TMEM132D: variants seen among roughly 807,000 people sequenced by gnomAD.
TMEM132D encodes the protein transmembrane protein 132D.
A neutral mutation model predicts 62.3 loss-of-function variants in TMEM132D; 21 were observed. The observed-to-expected ratio is 0.34, with a 90% CI of 0.24 to 0.49. TMEM132D has a LOEUF of 0.49. TMEM132D is among the 20% of genes least tolerant of loss of function. The pLI, the probability that TMEM132D is intolerant of heterozygous loss-of-function variation, is 0.99. For synonymous variants in TMEM132D, 621 were observed against 575.6 expected (o/e 1.08, Z -1.13); for missense variants, 1,346 against 1,402.8 (o/e 0.96, Z 0.65).
intron 4 of TMEM132D, among the ~76,000 whole-genome samples, chr12:129,283,371 T>C (rs933818067): frequency 2.0e-5 from 3 of 152,170 alleles, no homozygotes; most frequent in Admixed American, 6.5e-5. Flanking sequence ...GTTGTATTTT[T>C]AGTAGAGACG....
chr12:129,132,834 G>A (rs552093680), intron 5 of TMEM132D, among the ~76,000 whole-genome samples: 1 of 152,220 alleles, frequency 6.6e-6, no homozygotes, highest in East Asian at 1.9e-4. Flanking sequence ...GGATTAGCAG[G>A]CTTAGGCTGT....
At chr12:129,768,222 T>G (rs890303816) in intron 1 of TMEM132D, among the ~76,000 whole-genome samples, 7 of 152,166 alleles carry the variant, frequency 4.6e-5, no homozygotes, top group Admixed American at 2.0e-4. Context: ...TAAATTCTTT[T>G]GTATATATAG....
At chr12:129,477,181 C>T (rs1041943484) in intron 3 of TMEM132D, among the ~76,000 whole-genome samples, 13 of 152,090 alleles carry the variant, frequency 8.5e-5, no homozygotes, top group Admixed American at 6.6e-5. Flanking sequence ...TCTCCTTGGT[C>T]GTGACAATGA....
intron 2 of TMEM132D, among the ~76,000 whole-genome samples, chr12:129,600,575 A>G (rs1455653386): frequency 6.6e-6 from 1 of 152,230 alleles, no homozygotes; most frequent in Non-Finnish European, 1.5e-5. Context: ...AGCCTTATCA[A>G]AGGTATGACT....
At chr12:129,538,449 C>T (rs1876469876) in intron 2 of TMEM132D, among the ~76,000 whole-genome samples, 1 of 152,152 alleles carries the variant, frequency 6.6e-6, no homozygotes, top group Non-Finnish European at 1.5e-5. Context: ...CAGCTGTGCA[C>T]AGTAGCTGTG....
At chr12:129,406,602 A>G (rs1254538571) in intron 3 of TMEM132D, among the ~76,000 whole-genome samples, 2 of 151,248 alleles carry the variant, frequency 1.3e-5, no homozygotes, top group Non-Finnish European at 2.9e-5. Context: ...CCTGGGCAAC[A>G]GAGCGAGACT....
chr12:129,294,932 T>G (rs1365143851), intron 4 of TMEM132D, among the ~76,000 whole-genome samples: 1 of 152,202 alleles, frequency 6.6e-6, no homozygotes, highest in Non-Finnish European at 1.5e-5. Flanking sequence ...ATTGTGTGTA[T>G]CAGCTGGCCT....
intron 2 of TMEM132D, among the ~76,000 whole-genome samples, chr12:129,592,242 G>A (rs1471660708): frequency 1.3e-5 from 2 of 151,994 alleles, no homozygotes; most frequent in African/African-American, 4.8e-5. Flanking sequence ...AAAAATAGCT[G>A]ACTTGGAACT....
At position 129,150,609 on chromosome 12, in the gene TMEM132D, G is replaced by C. The variant is rs367888571; in HGVS notation, c.1443+58911C>G. Among the ~76,000 whole-genome samples the C allele has an allele frequency of 5.4e-3, 824 of 152,334 alleles. 5 individuals carry two copies. Among genetic ancestry groups the C allele is most frequent in the South Asian group, 0.043 (207 of 4,828 alleles). ...GCAGAGGCCACCCAGGTGACCAGCA[G>C]GAGGGGCAGAATTCAAAGCCAGGTG... On this transcript the variant is annotated intron_variant, in intron 5 of 8. Transcript: ENST00000422113.
At chr12:129,365,528 G>C (rs770553334) in intron 3 of TMEM132D, among the ~76,000 whole-genome samples, 1 of 152,150 alleles carries the variant, frequency 6.6e-6, no homozygotes, top group Non-Finnish European at 1.5e-5. Context: ...CATTTTGGAT[G>C]CAAGGTGTTT....
At chr12:129,612,722 G>GCCTTTAA (rs11267741) in intron 2 of TMEM132D, among the ~76,000 whole-genome samples, 65,071 of 151,368 alleles carry the variant, frequency 0.43, 14,921 homozygotes, top group Middle Eastern at 0.52. Flanking sequence ...TGTTAATTTG[G>GCCTTTAA]CCCCAGGCAA....
intron 4 of TMEM132D, among the ~76,000 whole-genome samples, chr12:129,223,449 T>A (rs1022760698): frequency 2.0e-5 from 3 of 152,098 alleles, no homozygotes; most frequent in African/African-American, 7.2e-5. Flanking sequence ...CCACAGCAGA[T>A]GTGTAAATGC....
chr12:129,150,327 G>A (rs569477960), intron 5 of TMEM132D, among the ~76,000 whole-genome samples: 2 of 152,340 alleles, frequency 1.3e-5, no homozygotes, highest in Middle Eastern at 3.4e-3. Flanking sequence ...GGGGGCTGAC[G>A]ACAATGCCGA....
chr12:129,833,319 G>A (rs1182311791), intron 1 of TMEM132D, among the ~76,000 whole-genome samples: 1 of 152,084 alleles, frequency 6.6e-6, no homozygotes, highest in Non-Finnish European at 1.5e-5. Context: ...AATATTTCTG[G>A]GCTGGGTATG....
chr12:129,168,523 G>T (rs1877628464), intron 5 of TMEM132D, among the ~76,000 whole-genome samples: 1 of 152,096 alleles, frequency 6.6e-6, no homozygotes, highest in South Asian at 2.1e-4. Context: ...AGTTATATAA[G>T]ACATGCCTTT....
chr12:129,589,536 T>C (rs1421652662), intron 2 of TMEM132D, among the ~76,000 whole-genome samples: 2 of 152,160 alleles, frequency 1.3e-5, no homozygotes, highest in African/African-American at 2.4e-5. Context: ...CAGCTGTCCT[T>C]CTTGCTATCT....
At chr12:129,694,021 T>G (rs182438375) in intron 2 of TMEM132D, among the ~76,000 whole-genome samples, 43 of 152,330 alleles carry the variant, frequency 2.8e-4, no homozygotes, top group African/African-American at 9.4e-4. Context: ...CTGCCTTGAA[T>G]CCTCTCTCTG....
At chr12:129,775,122 C>T (rs1870877513) in intron 1 of TMEM132D, among the ~76,000 whole-genome samples, 1 of 152,190 alleles carries the variant, frequency 6.6e-6, no homozygotes, top group Admixed American at 6.5e-5. Flanking sequence ...CCTTAATCCA[C>T]ACAAAAGTGT....
At chr12:129,195,565 C>T (rs898134429) in intron 5 of TMEM132D, among the ~76,000 whole-genome samples, 1 of 152,056 alleles carries the variant, frequency 6.6e-6, no homozygotes, top group African/African-American at 2.4e-5. Flanking sequence ...TTCATATTAC[C>T]TTGTGACCCT....
Sources: gnomAD v4.1 joint callset for allele counts (sites outside exome capture counted in the v4.1 genomes callset) on GRCh38, gnomAD v4.1.1 for gene constraint, MANE v1.5 for transcripts, NCBI Gene and HGNC (gene_info 2026-07-23, HGNC 2026-07-21) for gene names.